NCBP1: variants seen among roughly 807,000 people sequenced by gnomAD.
NCBP1 encodes nuclear cap binding protein subunit 1, also known as nuclear cap-binding protein subunit 1.
NCBP1 carries 16 observed loss-of-function variants against 111.7 expected under a neutral mutation model. The observed-to-expected ratio is 0.14, with a 90% CI of 0.10 to 0.22. The LOEUF is 0.22. Among genes scored for constraint, NCBP1 ranks in the 10% least tolerant of loss-of-function variants. The probability of loss-of-function intolerance (pLI) is 1.00; values close to 1 mark genes in which losing one functional copy is unlikely to be tolerated. For synonymous variants in NCBP1, 304 were observed against 314.3 expected (o/e 0.97, Z 0.35); for missense variants, 607 against 957.5 (o/e 0.63, Z 4.83).
chr9:97,658,512 TC>T, intron 14 of NCBP1, 127 bp from the exon 15 acceptor site: 1 of 692,816 alleles, frequency 1.4e-6, no homozygotes, highest in Non-Finnish European at 2.5e-6. Context: ...GATTTTTTTT[TC>T]CCTTTCACTT....
At chr9:97,651,434 A>G (rs1324124279) in intron 10 of NCBP1, 61 bp downstream of exon 10, 1 of 1,408,440 alleles carries the variant, frequency 7.1e-7, no homozygotes. Context: ...GCTTTAAAGT[A>G]TGATCTACTC....
chr9:97,670,699 A>G (rs1295288343), intron 22 of NCBP1, among the ~76,000 whole-genome samples: 1 of 152,172 alleles, frequency 6.6e-6, no homozygotes, highest in Non-Finnish European at 1.5e-5. Context: ...CTGACTGTTT[A>G]TCTTCCTGTC....
chr9:97,659,618 G>A (rs530483829), intron 15 of NCBP1, among the ~76,000 whole-genome samples: 6 of 152,318 alleles, frequency 3.9e-5, no homozygotes, highest in Non-Finnish European at 7.4e-5. Flanking sequence ...AAATTCAGGC[G>A]TAGGTGCACT....
chr9:97,669,918 A>C (rs963339976), intron 22 of NCBP1: 161 of 508,596 alleles, frequency 3.2e-4, no homozygotes, highest in African/African-American at 1.0e-3. Flanking sequence ...CCCCCCAACA[A>C]CCCCCCGCCC....
rs779971908 is a variant in NCBP1 at position 97,654,834 on chromosome 9, T to C, written c.1171-46T>C. The C allele has an allele frequency of 6.6e-6, 10 of 1,525,854 alleles. No homozygotes were observed. In the Admixed American group the frequency reaches 8.4e-5, roughly 13 times the overall value. The allele number at this position is 1,525,854 out of a possible 1,614,324, so 94.5% of individuals were successfully genotyped here. A position where few individuals can be genotyped will look rare whatever the true frequency, so the allele number is the denominator to read the frequency against. On this transcript the variant is annotated intron_variant, in intron 11 of 22. Transcript: ENST00000375147. Reference sequence around the variant, plus strand: ...TTCTATTCTTGTCTATTACAACTTATTTGGGATAAAAGTGGAGAATAGTTT... The same window carrying C: ...TTCTATTCTTGTCTATTACAACTTACTTGGGATAAAAGTGGAGAATAGTTT...
chr9:97,637,468 C>T (rs1444801758), intron 1 of NCBP1, among the ~76,000 whole-genome samples: 2 of 152,136 alleles, frequency 1.3e-5, no homozygotes, highest in Non-Finnish European at 2.9e-5. Context: ...GGGCAATTTA[C>T]AAAAATTTCA....
At chr9:97,654,811 C>G (rs1827601980) in intron 11 of NCBP1, 69 bp from the exon 12 acceptor site, 1 of 1,286,992 alleles carries the variant, frequency 7.8e-7, no homozygotes, top group African/African-American at 1.5e-5. Context: ...TGTTTTATTT[C>G]TATTCTTGTC....
chr9:97,652,334 T>C (rs7866961), intron 10 of NCBP1, among the ~76,000 whole-genome samples: 17,991 of 152,212 alleles, frequency 0.12, 3,017 homozygotes, highest in African/African-American at 0.37. Context: ...AAAGTATTCA[T>C]GGGCCAGGCT....
At chr9:97,638,753 G>A (rs138164141) in intron 1 of NCBP1, among the ~76,000 whole-genome samples, 184 of 152,176 alleles carry the variant, frequency 1.2e-3, no homozygotes, top group Middle Eastern at 3.4e-3. Context: ...CCTATGCAAC[G>A]TGAGATATTT....
chr9:97,647,264 T>C (rs185774036), intron 6 of NCBP1, among the ~76,000 whole-genome samples: 1 of 152,314 alleles, frequency 6.6e-6, no homozygotes, highest in East Asian at 1.9e-4. Context: ...GAGATTATAC[T>C]TTCCCAAAGA....
At chr9:97,643,695 G>A (rs557305960) in intron 4 of NCBP1, among the ~76,000 whole-genome samples, 135 of 152,150 alleles carry the variant, frequency 8.9e-4, no homozygotes, top group Admixed American at 1.4e-3. Context: ...CATCTAGAAA[G>A]CTGAGCATTA....
intron 6 of NCBP1, 105 bp downstream of exon 6, chr9:97,645,837 T>C: frequency 7.4e-7 from 1 of 1,353,618 alleles, no homozygotes; most frequent in South Asian, 1.4e-5. Flanking sequence ...TTCCTGAAGG[T>C]ATTTTCTAGG....
rs1264646677 is a variant in NCBP1, at chr9:97,653,913, CCTTTT to C, written c.1170+10_1170+14del. 5.0e-6 allele frequency: 8 copies of C among 1,595,812 alleles called. No homozygotes were observed. The highest frequency in any genetic ancestry group is 1.3e-5 in the African/African-American group (1 of 74,246). On this transcript the variant is annotated splice_donor_region_variant and intron_variant, in intron 11 of 22. Coordinates refer to ENST00000375147, the MANE Select transcript of NCBP1 (RefSeq NM_002486.5). ...CCTGGCTCTCTACCCCAAGTTGTAT[CCTTTT>C]CTTTATTTTTAAACTTAATCTCTTT...
At chr9:97,639,726 C>T (rs1347616810) in intron 1 of NCBP1, among the ~76,000 whole-genome samples, 1 of 152,116 alleles carries the variant, frequency 6.6e-6, no homozygotes, top group Non-Finnish European at 1.5e-5. Flanking sequence ...ATACTTAACA[C>T]TATTATTTTA....
chr9:97,655,635 T>A, intron 12 of NCBP1, 67 bp from the exon 13 acceptor site: 1 of 1,333,690 alleles, frequency 7.5e-7, no homozygotes, highest in Non-Finnish European at 1.1e-6. Flanking sequence ...AAGGCTTATA[T>A]AAGTTTCTGT....
rs137896329 is a variant in NCBP1 at position 97,667,083 on chromosome 9, G to T, written c.2016+206G>T. 1.0e-3 allele frequency among the ~76,000 whole-genome samples: 153 copies of T among 152,280 alleles called. 1 individual carries two copies. The highest frequency in any genetic ancestry group is 3.5e-3 in the African/African-American group (146 of 41,564). ...GTTGTGTGCTGTTACACTGCATGATGAACCAGTTCAGGAAGCCACAAACTT... is the reference window on the plus strand; with the variant it reads ...GTTGTGTGCTGTTACACTGCATGATTAACCAGTTCAGGAAGCCACAAACTT... On this transcript the variant is annotated intron_variant, in intron 20 of 22. Transcript: ENST00000375147.
chr9:97,652,774 A>G (rs1827535021), intron 10 of NCBP1, among the ~76,000 whole-genome samples: 1 of 152,250 alleles, frequency 6.6e-6, no homozygotes, highest in Non-Finnish European at 1.5e-5. Flanking sequence ...AGTACTGTGT[A>G]TTTCCTATCT....
Position 97,658,857 on chromosome 9 carries a change from C to T in NCBP1, c.1477+114C>T, listed in dbSNP as rs529770809. 3 of 789,652 alleles carry T rather than the reference C, an allele frequency of 3.8e-6. No homozygotes were observed. In the South Asian group the frequency reaches 4.7e-5, roughly 12 times the overall value. The allele number at this position is 789,652 out of a possible 1,614,324, so 48.9% of individuals were successfully genotyped here. A position where few individuals can be genotyped will look rare whatever the true frequency, so the allele number is the denominator to read the frequency against. ...TTTTCTTTTCTTGGGGTTTATATTT[C>T]CTGTATTTGAAAGGTGGTCTATCAT... On this transcript the variant is annotated intron_variant, in intron 15 of 22. Coordinates refer to ENST00000375147, the MANE Select transcript of NCBP1 (RefSeq NM_002486.5).
chr9:97,670,961 G>T, intron 22 of NCBP1, 125 bp from the exon 23 acceptor site: 1 of 550,498 alleles, frequency 1.8e-6, no homozygotes, highest in Non-Finnish European at 3.2e-6. Flanking sequence ...GTTCCTATCA[G>T]CACTTTTTTT....
Sources: allele counts gnomAD v4.1 joint callset (sites outside exome capture counted in the v4.1 genomes callset), GRCh38; gene constraint gnomAD v4.1.1; transcripts MANE v1.5; gene names NCBI Gene and HGNC (gene_info 2026-07-23, HGNC 2026-07-21).